Variants in KMT5A observed in about 807,000 individuals in gnomAD.
KMT5A encodes lysine methyltransferase 5A, also known as N-lysine methyltransferase KMT5A.
KMT5A carries 6 observed loss-of-function variants against 40.6 expected under a neutral mutation model. The observed-to-expected ratio is 0.15, with a 90% CI of 0.08 to 0.29. The LOEUF (loss-of-function observed/expected upper bound fraction) is 0.29, where lower values mean the gene tolerates loss of function less well. Among genes scored for constraint, KMT5A ranks in the 10% least tolerant of loss-of-function variants. KMT5A has a pLI of 1.00. For synonymous variants in KMT5A, 153 were observed against 178.8 expected (o/e 0.86, Z 1.15); for missense variants, 308 against 459.1 (o/e 0.67, Z 3.01).
chr12:123,390,608 G>A (rs371538177), intron 2 of KMT5A, 22 bp from the exon 3 acceptor site: 26 of 1,611,954 alleles, frequency 1.6e-5, no homozygotes, highest in Non-Finnish European at 2.2e-5. Context: ...GCCTCTTTCA[G>A]AATATGCTTT....
rs2139148800 is a variant in KMT5A at position 123,384,790 on chromosome 12, G to C, written c.10+582G>C. Among the ~76,000 whole-genome samples, 1 of 152,350 alleles carries C rather than the reference G, an allele frequency of 6.6e-6. No individual in the cohort carries two copies. The highest frequency in any genetic ancestry group is 2.4e-5 in the African/African-American group (1 of 41,590). Reference sequence around the variant, plus strand: ...GTAAAACGGGTTCCTGGCATCTCGCGGGCGCGGTCGTTCGCCCCGCATCTG... The same window carrying C: ...GTAAAACGGGTTCCTGGCATCTCGCCGGCGCGGTCGTTCGCCCCGCATCTG... On this transcript the variant is annotated intron_variant, in intron 1 of 7. Transcript: ENST00000402868. The surrounding 1 kb of genome is among the most constrained non-coding windows in gnomAD (Gnocchi z 5.7).
intron 5 of KMT5A, among the ~76,000 whole-genome samples, chr12:123,402,282 GGGCC>G (rs1297848581): frequency 6.6e-6 from 1 of 152,230 alleles, no homozygotes. Context: ...GGCCGGAGCG[GGGCC>G]GGGGCCGTGG....
chr12:123,393,226 T>C (rs1221749398), intron 3 of KMT5A, among the ~76,000 whole-genome samples: 1 of 152,220 alleles, frequency 6.6e-6, no homozygotes, highest in East Asian at 1.9e-4. Context: ...ATAGTTAATA[T>C]ATCATAACGT....
chr12:123,395,059 C>T lies in KMT5A; in HGVS notation c.302C>T (p.Ala101Val). 1 of 1,570,708 alleles carries T rather than the reference C, an allele frequency of 6.4e-7. No individual in the cohort carries two copies. Among genetic ancestry groups the T allele is most frequent in the Non-Finnish European group, 8.6e-7 (1 of 1,157,934 alleles). Residue 101 changes from alanine (A) to valine (V), a missense_variant, in exon 4 of 8, where the codon GCT becomes GTT. Ala to Val is a moderately conservative substitution (Grantham distance 64). Transcript: ENST00000402868. Reference protein sequence around the residue: ...IYRKREEKRNAGNAVRSAMKS... With the variant: ...IYRKREEKRNVGNAVRSAMKS... ...CCTCCGCCTGCAGAGAAAAGAAATG[C>T]TGGGAACGCAGTACGGAGCGCCATG...
chr12:123,406,094 C>T lies in KMT5A; in HGVS notation c.848+1020C>T, dbSNP rs186690256. Among the ~76,000 whole-genome samples, 5 of 152,122 alleles carry T rather than the reference C, an allele frequency of 3.3e-5. No homozygotes were observed. The East Asian group carries it at 9.7e-4, about 29-fold the overall frequency. Reference sequence around the variant, plus strand: ...TTGGCCTCCCAAAGTGCTGGGATTACAGGCATGAGCCACTGTGGCCCCAGC... The same window carrying T: ...TTGGCCTCCCAAAGTGCTGGGATTATAGGCATGAGCCACTGTGGCCCCAGC... On this transcript the variant is annotated intron_variant, in intron 7 of 7. Transcript: ENST00000402868.
chr12:123,397,039 GTT>G (rs1877781492), intron 5 of KMT5A, among the ~76,000 whole-genome samples: 1 of 152,230 alleles, frequency 6.6e-6, no homozygotes, highest in Non-Finnish European at 1.5e-5. Flanking sequence ...CCAGCTAACT[GTT>G]ACTATCGCCA....
At chr12:123,390,947 C>T in intron 3 of KMT5A, 161 bp downstream of exon 3, 1 of 819,692 alleles carries the variant, frequency 1.2e-6, no homozygotes, top group Non-Finnish European at 1.9e-6. Context: ...TGGCTTGTCC[C>T]AGGGTGTGTG....
intron 5 of KMT5A, among the ~76,000 whole-genome samples, chr12:123,398,632 C>T (rs897236691): frequency 6.6e-6 from 1 of 152,248 alleles, no homozygotes; most frequent in African/African-American, 2.4e-5. Context: ...CTTTGCCCCC[C>T]ACTGTTTGTG....
intron 5 of KMT5A, among the ~76,000 whole-genome samples, chr12:123,400,225 C>T (rs28828722): frequency 0.03 from 4,362 of 145,612 alleles, 65 homozygotes; most frequent in African/African-American, 0.037. Context: ...TTAGTAGAGA[C>T]GGGGTTTCAC....
rs546476492 is a variant in KMT5A, at chr12:123,385,559, A to C, written c.10+1351A>C. On this transcript the variant is annotated intron_variant, in intron 1 of 7. Transcript: ENST00000402868. ...ATTGAAATACTTAAAATATGACTAAATAATAATTATGGCCAGGCATGGTGG... is the reference window on the plus strand; with the variant it reads ...ATTGAAATACTTAAAATATGACTAACTAATAATTATGGCCAGGCATGGTGG... 2.6e-5 allele frequency among the ~76,000 whole-genome samples: 4 copies of C among 152,298 alleles called. No individual in the cohort carries two copies. In the South Asian group the frequency reaches 8.3e-4, roughly 32 times the overall value.
chr12:123,408,512 A>C lies in KMT5A; in HGVS notation c.*809A>C, dbSNP rs561152991. The stretch of plus-strand genomic sequence containing the variant: ...TTTAAAAAAATTAAAAATAAAAAAA[A>C]CCACAGAAAACAACTTTACATGTAT... On this transcript the variant is annotated 3_prime_UTR_variant, in exon 8 of 8. Coordinates refer to ENST00000402868, the MANE Select transcript of KMT5A (RefSeq NM_020382.7). 37 of 151,006 alleles carry C rather than the reference A, an allele frequency of 2.5e-4. No individual in the cohort carries two copies. The highest frequency in any genetic ancestry group is 1.8e-3 in the Admixed American group (28 of 15,170). 9.4% of individuals were successfully genotyped at this position (151,006 alleles called of 1,614,324 possible). A position where few individuals can be genotyped will look rare whatever the true frequency, so the allele number is the denominator to read the frequency against.
rs780066496 is a variant in KMT5A at position 123,390,650 on chromosome 12, G to A, written c.153G>A (p.Gln51=). The part of the protein sequence containing the change: ...RTDGENVFTG[Q]SKIYSYMSPN... The stretch of plus-strand genomic sequence containing the variant: ...TTTAGGAGAACGTATTTACCGGGCA[G>A]TCAAAGATCTATTCCTACATGAGCC... The change falls in exon 3 of 8, where the codon CAG becomes CAA. Residue 51 remains glutamine (Q), a synonymous_variant. Coordinates refer to ENST00000402868, the MANE Select transcript of KMT5A (RefSeq NM_020382.7). 3 of 1,613,926 alleles carry A rather than the reference G, an allele frequency of 1.9e-6. No homozygotes were observed. The highest frequency in any genetic ancestry group is 1.1e-5 in the South Asian group (1 of 91,066).
At position 123,402,948 on chromosome 12, in the gene KMT5A, G is replaced by A. The variant is rs141983042; in HGVS notation, c.598-625G>A. 5.4e-3 allele frequency among the ~76,000 whole-genome samples: 826 copies of A among 152,204 alleles called. 4 individuals carry two copies. Among genetic ancestry groups the A allele is most frequent in the African/African-American group, 0.018 (753 of 41,526 alleles). On this transcript the variant is annotated intron_variant, in intron 5 of 7. Transcript: ENST00000402868. ...TTTTAAGGTGGAGTCTTGCTGTGTC[G>A]CCCAGGCTGGAGTGCAGTAGCACAA...
At chr12:123,397,744 G>A (rs943275463) in intron 5 of KMT5A, among the ~76,000 whole-genome samples, 3 of 145,720 alleles carry the variant, frequency 2.1e-5, no homozygotes, top group Admixed American at 7.1e-5. Flanking sequence ...TCGACTCACC[G>A]CAACCTCCAT....
chr12:123,404,896 G>T lies in KMT5A; in HGVS notation c.670G>T (p.Asp224Tyr). 1 of 1,612,538 alleles carries T rather than the reference G, an allele frequency of 6.2e-7. No homozygotes were observed. The highest frequency in any genetic ancestry group is 8.5e-7 in the Non-Finnish European group (1 of 1,179,676). ...KEEGMKIDLI[D>Y]GKGRGVIATK... ...TATCACCTGACAGATTGACCTCATC[G>T]ATGGCAAAGGCAGGGGTGTGATTGC... The change falls in exon 7 of 8, where the codon GAT becomes TAT. Residue 224 changes from aspartate to tyrosine, a missense_variant. Asp to Tyr is a radical substitution (Grantham distance 160). This residue lies in a region of KMT5A where 77 missense variants were observed against 220.0 expected (regional missense o/e 0.35). Coordinates refer to ENST00000402868, the MANE Select transcript of KMT5A (RefSeq NM_020382.7).
intron 2 of KMT5A, chr12:123,390,223 A>G: frequency 2.2e-6 from 1 of 447,390 alleles, no homozygotes; most frequent in South Asian, 1.6e-5. Flanking sequence ...CCAAGTGGTT[A>G]ATCAGGTTCC....
At chr12:123,398,518 T>C (rs1255899101) in intron 5 of KMT5A, among the ~76,000 whole-genome samples, 1 of 152,238 alleles carries the variant, frequency 6.6e-6, no homozygotes, top group Non-Finnish European at 1.5e-5. Context: ...GCAGGTCTGC[T>C]AAATCTTGCA....
intron 4 of KMT5A, 101 bp downstream of exon 4, chr12:123,395,367 C>G: frequency 2.7e-6 from 3 of 1,114,134 alleles, no homozygotes; most frequent in South Asian, 1.5e-5. Context: ...GTGGCCACCT[C>G]TCAGCCTCTC....
In KMT5A at chr12:123,384,945, G is replaced by A. The variant is rs1876785662; in HGVS notation, c.10+737G>A. Among the ~76,000 whole-genome samples the A allele has an allele frequency of 6.6e-6, 1 of 152,052 alleles. No individual in the cohort carries two copies. Among genetic ancestry groups the A allele is most frequent in the Non-Finnish European group, 1.5e-5 (1 of 68,034 alleles). On this transcript the variant is annotated intron_variant, in intron 1 of 7. Transcript: ENST00000402868. The surrounding 1 kb of genome is among the most constrained non-coding windows in gnomAD (Gnocchi z 5.7). ...GTGCCTCCCAGGTATGCGGCAAAGA[G>A]ATCTCCAACCGCTTGGTCATTTCCA...
Sources: allele counts gnomAD v4.1 joint callset (sites outside exome capture counted in the v4.1 genomes callset), GRCh38; gene constraint gnomAD v4.1.1; regional missense constraint gnomAD v4.1.1; non-coding constraint Gnocchi (gnomAD v3.1); transcripts MANE v1.5; gene names NCBI Gene and HGNC (gene_info 2026-07-23, HGNC 2026-07-21).